RUFY4: variants seen among roughly 807,000 people sequenced by gnomAD.
RUFY4 encodes RUN and FYVE domain containing 4.
In RUFY4, 73 loss-of-function variants were observed where a neutral mutation model predicts 69.0. The ratio of observed to expected loss-of-function variants is 1.06; its 90% CI spans 0.88 to 1.29. The LOEUF is 1.29. Ranked by LOEUF, RUFY4 falls within the 50% of genes most tolerant of loss-of-function variation. The probability of loss-of-function intolerance (pLI) is 0.00; values close to 1 mark genes in which losing one functional copy is unlikely to be tolerated. For synonymous variants in RUFY4, 287 were observed against 271.8 expected, an observed-to-expected ratio of 1.06 and a Z score of -0.55; for missense variants, 770 against 705.6, an observed-to-expected ratio of 1.09 and a Z score of -1.03.
At position 218,090,007 on chromosome 2, in the gene RUFY4, C is replaced by T. The variant is rs760107806; in HGVS notation, c.1669C>T (p.Arg557Cys). Residue 557 changes from arginine (R) to cysteine (C), a missense_variant, in exon 11 of 11, where the codon CGC becomes TGC. Coordinates refer to ENST00000344321, the Ensembl canonical transcript of RUFY4. ...CTCCATGGATTACAAGAAGAGAGAC[C>T]GCTGCTGCCCACCCTGCGCCCAGGG... 2.2e-5 allele frequency: 35 copies of T among 1,566,372 alleles called. No individual in the cohort carries two copies. In the East Asian group the frequency reaches 2.4e-4, roughly 11 times the overall value.
intron 8 of RUFY4, among the ~76,000 whole-genome samples, chr2:218,082,877 G>A (rs1689796326): frequency 1.3e-5 from 1 of 80,000 alleles, no homozygotes; most frequent in Admixed American, 1.3e-4. Context: ...TTGTAAGTGT[G>A]TCTTCTGTGT....
At chr2:218,070,199 C>T (rs1271190991), upstream of RUFY4, 1 of 272,526 alleles carries the variant, frequency 3.7e-6, no homozygotes, top group Non-Finnish European at 7.3e-6. Context: ...AACACAGGCC[C>T]TGTGGGCACA....
chr2:218,083,731 G>C (rs1160411327), intron 9 of RUFY4, among the ~76,000 whole-genome samples: 1 of 151,310 alleles, frequency 6.6e-6, no homozygotes, highest in East Asian at 1.9e-4. Flanking sequence ...CTGGGCGACA[G>C]AGTGAGAATC....
chr2:218,064,831 C>T (rs1194517413), upstream of RUFY4, among the ~76,000 whole-genome samples: 1 of 152,018 alleles, frequency 6.6e-6, no homozygotes, highest in African/African-American at 2.4e-5. Context: ...TGCCTGCCCT[C>T]CCCCTCCAGT....
chr2:218,075,982 C>T (rs1689622863), intron 7 of RUFY4, among the ~76,000 whole-genome samples: 1 of 152,182 alleles, frequency 6.6e-6, no homozygotes, highest in Non-Finnish European at 1.5e-5. Flanking sequence ...TTGCCCAGCC[C>T]CAGTAGGCTT....
exon 7 of RUFY4, chr2:218,075,607 G>A: frequency 1.3e-6 from 2 of 1,523,882 alleles, no homozygotes; most frequent in Non-Finnish European, 8.8e-7. Flanking sequence ...AGCATCCTGG[G>A]GGAGCCCTGG....
chr2:218,060,068 T>TA, intron 3 of RUFY4: 167 of 262,856 alleles, frequency 6.4e-4, no homozygotes, highest in South Asian at 4.7e-3. Flanking sequence ...AGATTTTCAC[T>TA]TCTTAGAACA....
intron 2 of RUFY4, among the ~76,000 whole-genome samples, chr2:218,037,881 T>G (rs1304073897): frequency 6.6e-6 from 1 of 152,242 alleles, no homozygotes; most frequent in East Asian, 1.9e-4. Context: ...TTTCCACTTT[T>G]GTTCACAAAA....
At position 218,075,516 on chromosome 2, in the gene RUFY4, G is replaced by A. The variant is rs755656624; in HGVS notation, c.1024G>A (p.Val342Ile). 1.6e-5 allele frequency: 25 copies of A among 1,562,004 alleles called. 1 individual carries two copies. The highest frequency in any genetic ancestry group is 1.9e-5 in the Admixed American group (1 of 52,590). The change falls in exon 7 of 11, where the codon GTC becomes ATC. Residue 342 changes from valine to isoleucine, a missense_variant. Coordinates refer to ENST00000344321, the Ensembl canonical transcript of RUFY4. ...CAAAAAGGAAGCAGAGTGGAGTCAC[G>A]TCCAGAGGCTGCTGATGCCCAGCCC...
Position 218,060,271 on chromosome 2 carries a change from A to G in RUFY4, c.-1071+1590A>G. 5 of 1,398,998 alleles carry G rather than the reference A, an allele frequency of 3.6e-6. No homozygotes were observed. The South Asian group carries it at 7.6e-5, about 21-fold the overall frequency. The allele number at this position is 1,398,998 out of a possible 1,614,324, so 86.7% of individuals were successfully genotyped here. A position where few individuals can be genotyped will look rare whatever the true frequency, so the allele number is the denominator to read the frequency against. On this transcript the variant is annotated intron_variant and NMD_transcript_variant, in intron 3 of 13. Transcript: ENST00000457754. Reference sequence around the variant, plus strand: ...CTGAGACCAAGAAGAGCTAGTGGACATGAGGCTTGGAATGTGACTGTGAAG... The same window carrying G: ...CTGAGACCAAGAAGAGCTAGTGGACGTGAGGCTTGGAATGTGACTGTGAAG...
chr2:218,085,279 C>T (rs914442060), intron 9 of RUFY4, among the ~76,000 whole-genome samples: 3 of 152,126 alleles, frequency 2.0e-5, no homozygotes, highest in East Asian at 3.9e-4. Context: ...CACAGGTTCT[C>T]AGGCAGGAGA....
At chr2:218,041,039 A>G (rs894908280) in intron 2 of RUFY4, among the ~76,000 whole-genome samples, 2 of 151,656 alleles carry the variant, frequency 1.3e-5, no homozygotes, top group Non-Finnish European at 2.9e-5. Flanking sequence ...GAACCATCTG[A>G]AAGGACGTTT....
intron 10 of RUFY4, chr2:218,089,730 G>A: frequency 1.4e-6 from 1 of 704,140 alleles, no homozygotes; most frequent in Non-Finnish European, 2.6e-6. Context: ...GCCACCAGGA[G>A]AAGCTGCCAT....
upstream of RUFY4, among the ~76,000 whole-genome samples, chr2:218,064,386 T>C (rs1384745385): frequency 2.6e-5 from 4 of 152,124 alleles, no homozygotes; most frequent in Non-Finnish European, 4.4e-5. Flanking sequence ...CTGCCCTCCA[T>C]GGGCAGCAGA....
rs1689976194 is a variant in RUFY4 at position 218,089,373 on chromosome 2, G to A, written c.1613+11G>A. 1.2e-6 allele frequency: 2 copies of A among 1,611,070 alleles called. No homozygotes were observed. The highest frequency in any genetic ancestry group is 1.7e-4 in the Middle Eastern group (1 of 6,056). On this transcript the variant is annotated intron_variant, in intron 10 of 10. Coordinates refer to ENST00000344321, the Ensembl canonical transcript of RUFY4. Reference sequence around the variant, plus strand: ...GCGGTATCCATGCAGGTAAAGGGAAGGGCACAGAATCCTCCCTCTGGGACA... The same window carrying A: ...GCGGTATCCATGCAGGTAAAGGGAAAGGCACAGAATCCTCCCTCTGGGACA...
At chr2:218,047,261 G>C (rs571441424) in intron 2 of RUFY4, among the ~76,000 whole-genome samples, 1 of 152,172 alleles carries the variant, frequency 6.6e-6, no homozygotes, top group Non-Finnish European at 1.5e-5. Flanking sequence ...CCTTTTAACA[G>C]AGAGAAAACC....
intron 9 of RUFY4, among the ~76,000 whole-genome samples, chr2:218,084,113 C>G (rs977088570): frequency 1.3e-5 from 2 of 152,168 alleles, no homozygotes; most frequent in Non-Finnish European, 2.9e-5. Context: ...AGTTCCTGCC[C>G]TTTAGTTGAG....
At chr2:218,081,155 A>G (rs1482940596) in intron 8 of RUFY4, among the ~76,000 whole-genome samples, 1 of 151,898 alleles carries the variant, frequency 6.6e-6, no homozygotes, top group Non-Finnish European at 1.5e-5. Flanking sequence ...TCCCCATTTC[A>G]CTGAGATTAA....
intron 3 of RUFY4, chr2:218,060,314 C>T (rs914123110): frequency 7.1e-5 from 107 of 1,509,082 alleles, no homozygotes; most frequent in Admixed American, 9.1e-5. Flanking sequence ...AGGAACCCCA[C>T]GGGACTGCAC....
Sources: gnomAD v4.1 joint callset for allele counts (sites outside exome capture counted in the v4.1 genomes callset) on GRCh38, gnomAD v4.1.1 for gene constraint, MANE v1.5 for transcripts, NCBI Gene and HGNC (gene_info 2026-07-23, HGNC 2026-07-21) for gene names.